Variants in COL7A1 observed in about 807,000 individuals in gnomAD.
COL7A1 encodes collagen alpha-1(VII) chain.
A neutral mutation model predicts 456.2 loss-of-function variants in COL7A1; 296 were observed. The ratio of observed to expected loss-of-function variants is 0.65; its 90% CI spans 0.59 to 0.71. COL7A1 has a LOEUF of 0.71. Ranked by LOEUF, COL7A1 falls within the 30% of genes least tolerant of loss-of-function variation. The pLI is 0.00. For synonymous variants in COL7A1, 1,464 were observed against 1,525.9 expected (o/e 0.96, Z 0.95); for missense variants, 3,441 against 4,017.2 (o/e 0.86, Z 3.88).
chr3:48,567,434 C>T lies in COL7A1; in HGVS notation c.8046+140G>A. 2.4e-6 allele frequency: 3 copies of T among 1,262,574 alleles called. No homozygotes were observed. Among genetic ancestry groups the T allele is most frequent in the Non-Finnish European group, 3.4e-6 (3 of 874,166 alleles). 78.2% of individuals were successfully genotyped at this position (1,262,574 alleles called of 1,614,324 possible). A position where few individuals can be genotyped will look rare whatever the true frequency, so the allele number is the denominator to read the frequency against. On this transcript the variant is annotated intron_variant, in intron 109 of 118. Transcript: ENST00000681320. This position sits in a 1 kb window ranked among gnomAD's most constrained non-coding sequence, Gnocchi z 4.3. ...ACTGTGACCCCAACCCACCTTGACA[C>T]CTCGAGACCAGCCCCACTTCAGCCC...
chr3:48,568,410 A>G lies in COL7A1; in HGVS notation c.7794+89T>C. On this transcript the variant is annotated intron_variant, in intron 105 of 118. Coordinates refer to ENST00000681320, the MANE Select transcript of COL7A1 (RefSeq NM_000094.4). The surrounding 1 kb of genome is among the most constrained non-coding windows in gnomAD (Gnocchi z 5.2). Reference sequence around the variant, plus strand: ...ACCATGAGAGCACTGGGTCACTATAAGGTCAAAAGCTACCACACTGGTGGG... The same window carrying G: ...ACCATGAGAGCACTGGGTCACTATAGGGTCAAAAGCTACCACACTGGTGGG... 13 of 1,373,414 alleles carry G rather than the reference A, an allele frequency of 9.5e-6. No homozygotes were observed. Among genetic ancestry groups the G allele is most frequent in the Non-Finnish European group, 1.2e-5 (12 of 986,476 alleles). 85.1% of individuals were successfully genotyped at this position (1,373,414 alleles called of 1,614,324 possible).
At chr3:48,576,180 AG>A (rs2044283684) in intron 71 of COL7A1, 68 bp downstream of exon 71, 3 of 1,603,956 alleles carry the variant, frequency 1.9e-6, no homozygotes, top group Non-Finnish European at 2.6e-6. Flanking sequence ...GGCAAGGGGA[AG>A]GGGATGGCAA....
chr3:48,586,089 T>C lies in COL7A1; in HGVS notation c.3708A>G (p.Ala1236=), dbSNP rs2045235298. The change falls in exon 28 of 119, where the codon GCA becomes GCG. Residue 1236 remains alanine (A), a synonymous_variant. Coordinates refer to ENST00000681320, the MANE Select transcript of COL7A1 (RefSeq NM_000094.4). The surrounding 1 kb of genome is among the most constrained non-coding windows in gnomAD (Gnocchi z 5.1). ...TCTTCCAAACCTGAGTAGTGAAGGATGCCTGACACAGGGCTGTGGCCAGAC... is the reference window on the plus strand; with the variant it reads ...TCTTCCAAACCTGAGTAGTGAAGGACGCCTGACACAGGGCTGTGGCCAGAC... ...VSGLATALCQ[A]SFTTQPRPEP... The C allele has an allele frequency of 1.2e-6, 2 of 1,613,464 alleles. No homozygotes were observed. Among genetic ancestry groups the C allele is most frequent in the Admixed American group, 3.3e-5 (2 of 60,016 alleles).
rs1453613326 is a variant in COL7A1 at position 48,583,875 on chromosome 3, C to T, written c.4278+25G>A. Reference sequence around the variant, plus strand: ...AGACCCACACCCCTGAGCAGGGCCCCCAGCAGAGCCTCAAGGCCCCTCACC... The same window carrying T: ...AGACCCACACCCCTGAGCAGGGCCCTCAGCAGAGCCTCAAGGCCCCTCACC... On this transcript the variant is annotated intron_variant, in intron 39 of 118. Transcript: ENST00000681320. The surrounding 1 kb of genome is among the most constrained non-coding windows in gnomAD (Gnocchi z 5.1). 6.2e-7 allele frequency: 1 copy of T among 1,613,812 alleles called. No individual in the cohort carries two copies. Among genetic ancestry groups the T allele is most frequent in the Admixed American group, 1.7e-5 (1 of 60,024 alleles).
chr3:48,577,596 T>C (rs916305559), intron 65 of COL7A1, among the ~76,000 whole-genome samples: 9 of 152,232 alleles, frequency 5.9e-5, no homozygotes, highest in African/African-American at 1.9e-4. Flanking sequence ...GAGCCATCCA[T>C]GTGTGTCTCA....
Position 48,579,533 on chromosome 3 carries a change from A to G in COL7A1, c.5236-18T>C. On this transcript the variant is annotated intron_variant, in intron 59 of 118. Transcript: ENST00000681320. This position sits in a 1 kb window ranked among gnomAD's most constrained non-coding sequence, Gnocchi z 4.4. The stretch of plus-strand genomic sequence containing the variant: ...TCAATGCCCTGAGGATAGGGGAGGA[A>G]GAAATCAGAGCAGGCCCTCCCATGC... 1 of 1,613,900 alleles carries G rather than the reference A, an allele frequency of 6.2e-7. No individual in the cohort carries two copies. Among genetic ancestry groups the G allele is most frequent in the Non-Finnish European group, 8.5e-7 (1 of 1,180,002 alleles).
Position 48,566,657 on chromosome 3 carries a change from C to G in COL7A1, c.8304+3G>C, listed in dbSNP as rs774138233. On this transcript the variant is annotated splice_donor_region_variant and intron_variant, in intron 112 of 118. Coordinates refer to ENST00000681320, the MANE Select transcript of COL7A1 (RefSeq NM_000094.4). The surrounding 1 kb of genome is among the most constrained non-coding windows in gnomAD (Gnocchi z 5.9). ...TGACCCAAGCCTTGGAATCCCTACT[C>G]ACCTGCTCCCCTCTCTCGCCAGGAG... 1 of 1,614,190 alleles carries G rather than the reference C, an allele frequency of 6.2e-7. No homozygotes were observed.
Position 48,571,620 on chromosome 3 carries a change from G to A in COL7A1, c.7069-342C>T. On this transcript the variant is annotated intron_variant, in intron 92 of 118. Transcript: ENST00000681320. The surrounding 1 kb of genome is among the most constrained non-coding windows in gnomAD (Gnocchi z 4.6). ...ACCCCAACACGTCCACTCCCGGGTA[G>A]AGCAGGCATGGCCACAGGCTGAACG... The A allele has an allele frequency of 4.6e-6, 3 of 657,852 alleles. No individual in the cohort carries two copies. The highest frequency in any genetic ancestry group is 5.8e-6 in the Non-Finnish European group (2 of 346,840). The allele number at this position is 657,852 out of a possible 1,614,324, so 40.8% of individuals were successfully genotyped here. A position where few individuals can be genotyped will look rare whatever the true frequency, so the allele number is the denominator to read the frequency against.
At position 48,591,612 on chromosome 3, in the gene COL7A1, AGAGGCAGCCT is replaced by A; in HGVS notation, c.1508-30_1508-21del. 1.2e-6 allele frequency: 2 copies of A among 1,613,542 alleles called. No individual in the cohort carries two copies. The highest frequency in any genetic ancestry group is 1.7e-6 in the Non-Finnish European group (2 of 1,179,972). ...CTGGTCCTGTTGGAGAGCACAGCAT[AGAGGCAGCCT>A]GGGGCTCCGACACCTCCCCCACTCA... On this transcript the variant is annotated intron_variant, in intron 12 of 118. Coordinates refer to ENST00000681320, the MANE Select transcript of COL7A1 (RefSeq NM_000094.4). The surrounding 1 kb of genome is among the most constrained non-coding windows in gnomAD (Gnocchi z 7.0).
chr3:48,576,518 T>C lies in COL7A1; in HGVS notation c.5736+4A>G. ...CACGCCCCCTACCCAACATCCGCAC[T>C]CACCTTGGGGCCCGTGCCTCCTGGG... On this transcript the variant is annotated splice_donor_region_variant and intron_variant, in intron 69 of 118. Coordinates refer to ENST00000681320, the MANE Select transcript of COL7A1 (RefSeq NM_000094.4). 6.2e-7 allele frequency: 1 copy of C among 1,611,798 alleles called. No homozygotes were observed. Among genetic ancestry groups the C allele is most frequent in the Non-Finnish European group, 8.5e-7 (1 of 1,179,318 alleles).
At position 48,568,644 on chromosome 3, in the gene COL7A1, C is replaced by A. The variant is rs1369145046; in HGVS notation, c.7759-110G>T. ...CTCAGCGGCCAGGGCCCAGGCCACA[C>A]ACAGATCCCGGGTGAACACACATGG... On this transcript the variant is annotated intron_variant, in intron 104 of 118. Transcript: ENST00000681320. This position sits in a 1 kb window ranked among gnomAD's most constrained non-coding sequence, Gnocchi z 5.2. The A allele has an allele frequency of 6.7e-7, 1 of 1,491,140 alleles. No individual in the cohort carries two copies. The highest frequency in any genetic ancestry group is 9.1e-7 in the Non-Finnish European group (1 of 1,095,178). 92.4% of individuals were successfully genotyped at this position (1,491,140 alleles called of 1,614,324 possible). A position where few individuals can be genotyped will look rare whatever the true frequency, so the allele number is the denominator to read the frequency against.
In COL7A1 at chr3:48,569,684, C is replaced by A; in HGVS notation, c.7558-36G>T. The stretch of plus-strand genomic sequence containing the variant: ...AGGCAGGAATCAGAGGAGTCGGGAG[C>A]ACCCTGGCCCCTGCCCTGCCCTCCC... On this transcript the variant is annotated intron_variant, in intron 101 of 118. Coordinates refer to ENST00000681320, the MANE Select transcript of COL7A1 (RefSeq NM_000094.4). This position sits in a 1 kb window ranked among gnomAD's most constrained non-coding sequence, Gnocchi z 4.9. 1 of 1,613,988 alleles carries A rather than the reference C, an allele frequency of 6.2e-7. No individual in the cohort carries two copies. The highest frequency in any genetic ancestry group is 8.5e-7 in the Non-Finnish European group (1 of 1,180,006).
Position 48,565,593 on chromosome 3 carries a change from G to A in COL7A1, c.8440+43C>T. On this transcript the variant is annotated intron_variant, in intron 115 of 118. Transcript: ENST00000681320. This position sits in a 1 kb window ranked among gnomAD's most constrained non-coding sequence, Gnocchi z 4.5. ...AGGACCCCAGTTGATAGGCAGGGCA[G>A]GGCCTGGGGTGAAGAAAGTTCTGGG... is the stretch of plus-strand genomic sequence containing the variant. 6.2e-7 allele frequency: 1 copy of A among 1,614,140 alleles called. No individual in the cohort carries two copies. Among genetic ancestry groups the A allele is most frequent in the Non-Finnish European group, 8.5e-7 (1 of 1,179,998 alleles).
Position 48,566,894 on chromosome 3 carries a change from T to C in COL7A1, c.8226+13A>G, listed in dbSNP as rs777970970. The C allele has an allele frequency of 7.5e-5, 120 of 1,594,136 alleles. No individual in the cohort carries two copies. Among genetic ancestry groups the C allele is most frequent in the Non-Finnish European group, 1.0e-4 (118 of 1,168,216 alleles). On this transcript the variant is annotated intron_variant, in intron 111 of 118. Coordinates refer to ENST00000681320, the MANE Select transcript of COL7A1 (RefSeq NM_000094.4). The surrounding 1 kb of genome is among the most constrained non-coding windows in gnomAD (Gnocchi z 5.9). Reference sequence around the variant, plus strand: ...AGGTTCAGGGATCAGGAGTCAGAGCTGGGGCCCCTTACCTTCTGGCCCTGA... The same window carrying C: ...AGGTTCAGGGATCAGGAGTCAGAGCCGGGGCCCCTTACCTTCTGGCCCTGA...
At position 48,566,063 on chromosome 3, in the gene COL7A1, C is replaced by G. The variant is rs1233195293; in HGVS notation, c.8407+204G>C. Among the ~76,000 whole-genome samples the G allele has an allele frequency of 6.6e-6, 1 of 152,176 alleles. No homozygotes were observed. The highest frequency in any genetic ancestry group is 1.5e-5 in the Non-Finnish European group (1 of 68,030). ...CAGCCAAGCTGGACATCTGAGAGCA[C>G]TGCATGGCAATCCTCATCTGCCTGT... is the stretch of plus-strand genomic sequence containing the variant. On this transcript the variant is annotated intron_variant, in intron 114 of 118. Transcript: ENST00000681320. This position sits in a 1 kb window ranked among gnomAD's most constrained non-coding sequence, Gnocchi z 5.9.
Position 48,588,671 on chromosome 3 carries a change from C to T in COL7A1, c.2558G>A (p.Gly853Asp). 1.2e-6 allele frequency: 2 copies of T among 1,613,870 alleles called. No individual in the cohort carries two copies. The highest frequency in any genetic ancestry group is 1.7e-6 in the Non-Finnish European group (2 of 1,180,046). The change falls in exon 20 of 119, where the codon GGC becomes GAC. Residue 853 changes from glycine (G) to aspartate (D), a missense_variant. Gly to Asp is a moderately conservative substitution (Grantham distance 94). This residue lies in a region of COL7A1 where 444 missense variants were observed against 427.6 expected (regional missense o/e 1.04). Transcript: ENST00000681320. The surrounding 1 kb of genome is among the most constrained non-coding windows in gnomAD (Gnocchi z 4.6). Reference protein sequence around the residue: ...RVTALVGDREGTPVSIVVTTP... With the variant: ...RVTALVGDREDTPVSIVVTTP... ...AGTGACAACAATGGAGACAGGTGTG[C>T]CCTCGCGGTCCCCGACAAGTGCAGT...
Position 48,565,188 on chromosome 3 carries a change from A to T in COL7A1, c.8541T>A (p.Pro2847=). The T allele has an allele frequency of 6.2e-7, 1 of 1,613,708 alleles. No individual in the cohort carries two copies. The highest frequency in any genetic ancestry group is 8.5e-7 in the Non-Finnish European group (1 of 1,179,812). Residue 2847 remains proline (P), a synonymous_variant, in exon 117 of 119, where the codon CCT becomes CCA. Coordinates refer to ENST00000681320, the MANE Select transcript of COL7A1 (RefSeq NM_000094.4). The surrounding 1 kb of genome is among the most constrained non-coding windows in gnomAD (Gnocchi z 4.5). Reference sequence around the variant, plus strand: ...AGTATTCAGAGTACTCATCATCCTCAGGGGGTACCCGCTCTGCAGGTAGGG... The same window carrying T: ...AGTATTCAGAGTACTCATCATCCTCTGGGGGTACCCGCTCTGCAGGTAGGG... The part of the protein sequence containing the change: ...SHAEEEERVP[P]EDDEYSEYSE...
At position 48,565,367 on chromosome 3, in the gene COL7A1, T is replaced by C; in HGVS notation, c.8527+43A>G. 7.0e-6 allele frequency: 11 copies of C among 1,570,984 alleles called. No individual in the cohort carries two copies. The highest frequency in any genetic ancestry group is 9.5e-6 in the Non-Finnish European group (11 of 1,156,564). ...ATTCATGGACACCCATGTGCGTGTC[T>C]CGGCCCCACCCATAGCTGCCCCACG... On this transcript the variant is annotated intron_variant, in intron 116 of 118. Coordinates refer to ENST00000681320, the MANE Select transcript of COL7A1 (RefSeq NM_000094.4). This position sits in a 1 kb window ranked among gnomAD's most constrained non-coding sequence, Gnocchi z 4.5.
At position 48,594,762 on chromosome 3, in the gene COL7A1, A is replaced by C. The variant is rs1422574883; in HGVS notation, c.86-214T>G. 6.6e-6 allele frequency among the ~76,000 whole-genome samples: 1 copy of C among 150,994 alleles called. No individual in the cohort carries two copies. The highest frequency in any genetic ancestry group is 2.0e-4 in the East Asian group (1 of 5,096). ...GCGGAGGGTTGGGGGTGTGCGGGGGAGGGAGAGTCGCCAGCACGGGTGTGG... is the reference window on the plus strand; with the variant it reads ...GCGGAGGGTTGGGGGTGTGCGGGGGCGGGAGAGTCGCCAGCACGGGTGTGG... On this transcript the variant is annotated intron_variant, in intron 2 of 118. Coordinates refer to ENST00000681320, the MANE Select transcript of COL7A1 (RefSeq NM_000094.4). This position sits in a 1 kb window ranked among gnomAD's most constrained non-coding sequence, Gnocchi z 5.5.
Sources: allele counts gnomAD v4.1 joint callset (sites outside exome capture counted in the v4.1 genomes callset), GRCh38; gene constraint gnomAD v4.1.1; regional missense constraint gnomAD v4.1.1; non-coding constraint Gnocchi (gnomAD v3.1); transcripts MANE v1.5; gene names NCBI Gene and HGNC (gene_info 2026-07-23, HGNC 2026-07-21).